MYRIP: variants seen among roughly 807,000 people sequenced by gnomAD.
The protein encoded by MYRIP is rab effector MyRIP.
In MYRIP, 49 loss-of-function variants were observed where a neutral mutation model predicts 98.0. That is an observed-to-expected ratio of 0.50 (90% confidence interval 0.40 to 0.63). The LOEUF is 0.63. MYRIP is among the 30% of genes least tolerant of loss of function. MYRIP has a pLI of 0.00. For missense variants in MYRIP, 1,004 were observed against 1,058.2 expected, an observed-to-expected ratio of 0.95 and a Z score of 0.71; for synonymous variants, 404 against 409.5, an observed-to-expected ratio of 0.99 and a Z score of 0.16.
At chr3:40,153,824 G>A (rs528237078) in intron 4 of MYRIP, among the ~76,000 whole-genome samples, 2 of 152,216 alleles carry the variant, frequency 1.3e-5, no homozygotes, top group South Asian at 2.1e-4. Context: ...TTCACTATGC[G>A]GATCACTGTA....
intron 1 of MYRIP, among the ~76,000 whole-genome samples, chr3:39,876,159 G>A (rs1235795109): frequency 1.3e-5 from 2 of 151,984 alleles, no homozygotes; most frequent in Non-Finnish European, 2.9e-5. Context: ...GACTAGCATT[G>A]CAACCCCTGC....
chr3:39,898,646 A>G (rs1025848953), intron 1 of MYRIP, among the ~76,000 whole-genome samples: 5 of 152,136 alleles, frequency 3.3e-5, no homozygotes, highest in Admixed American at 1.3e-4. Context: ...CTTAGACATA[A>G]TATATATTGA....
chr3:40,033,174 C>G (rs2125820520), intron 2 of MYRIP, among the ~76,000 whole-genome samples: 1 of 145,862 alleles, frequency 6.9e-6, no homozygotes, highest in Non-Finnish European at 1.5e-5. Context: ...CAGGGATGCC[C>G]TCTCTCACCA....
At chr3:39,890,636 ATTT>A (rs35017704) in intron 1 of MYRIP, among the ~76,000 whole-genome samples, 2 of 138,514 alleles carry the variant, frequency 1.4e-5, no homozygotes, top group Non-Finnish European at 1.6e-5. Flanking sequence ...AGGTTAGCTG[ATTT>A]TTTTTTTTTT....
chr3:40,203,630 G>A (rs558545128), intron 10 of MYRIP, among the ~76,000 whole-genome samples: 10 of 137,180 alleles, frequency 7.3e-5, no homozygotes, highest in African/African-American at 2.7e-4. Context: ...TGTTTAGCCA[G>A]GGTCTCCAAG....
At chr3:39,944,816 T>A (rs77989297) in intron 2 of MYRIP, among the ~76,000 whole-genome samples, 2,327 of 152,216 alleles carry the variant, frequency 0.015, 46 homozygotes, top group East Asian at 0.095. Context: ...CAAGAAGTAT[T>A]GTTTATGAGT....
In MYRIP at chr3:40,143,298, G is replaced by T. The variant is rs983481523; in HGVS notation, c.333-7750G>T. On this transcript the variant is annotated intron_variant, in intron 3 of 16. Coordinates refer to ENST00000302541, the MANE Select transcript of MYRIP (RefSeq NM_015460.4). ...TATTTCAGCAGGATGCCGACACAAA[G>T]GTTCTTCTCATCTAGCCTTGCCTGC... Among the ~76,000 whole-genome samples, 64 of 152,188 alleles carry T rather than the reference G, an allele frequency of 4.2e-4. 1 individual carries two copies. Among genetic ancestry groups the T allele is most frequent in the Admixed American group, 4.1e-3 (62 of 15,278 alleles).
At position 40,190,361 on chromosome 3, in the gene MYRIP, C is replaced by A. The variant is rs749029630; in HGVS notation, c.1563C>A (p.Asp521Glu). Reference protein sequence around the residue: ...SEPEEAPHTTDRRARRWRRAR... With the variant: ...SEPEEAPHTTERRARRWRRAR... ...CGGAGGAGGCCCCCCACACCACAGA[C>A]CGGCGGGCCAGGAGGTGGAGAAGAG... The change falls in exon 10 of 17, where the codon GAC (aspartate) becomes GAA (glutamate). Residue 521 changes from aspartate to glutamate, a missense_variant. By Grantham distance (45) the Asp-to-Glu change is conservative. This residue lies in a region of MYRIP where 880 missense variants were observed against 907.7 expected (regional missense o/e 0.97). Coordinates refer to ENST00000302541, the MANE Select transcript of MYRIP (RefSeq NM_015460.4). 6.2e-7 allele frequency: 1 copy of A among 1,613,858 alleles called. No homozygotes were observed. Among genetic ancestry groups the A allele is most frequent in the East Asian group, 2.2e-5 (1 of 44,856 alleles).
intron 2 of MYRIP, among the ~76,000 whole-genome samples, chr3:39,970,725 A>G (rs1309926629): frequency 6.6e-6 from 1 of 152,130 alleles, no homozygotes; most frequent in Non-Finnish European, 1.5e-5. Flanking sequence ...TAATTACTAC[A>G]ATGTGATTCC....
intron 16 of MYRIP, among the ~76,000 whole-genome samples, chr3:40,252,201 G>GCA (rs947731940): frequency 6.6e-6 from 1 of 152,014 alleles, no homozygotes; most frequent in Non-Finnish European, 1.5e-5. Flanking sequence ...AGGCCATGAA[G>GCA]CACACACACA....
chr3:40,060,959 T>TTTATGTG (rs1444230729), intron 3 of MYRIP, among the ~76,000 whole-genome samples: 1 of 152,350 alleles, frequency 6.6e-6, no homozygotes, highest in South Asian at 2.1e-4. Flanking sequence ...TTGGATGTGC[T>TTTATGTG]TTCATTATAA....
At chr3:40,235,898 T>C (rs917580346) in intron 12 of MYRIP, among the ~76,000 whole-genome samples, 1 of 152,234 alleles carries the variant, frequency 6.6e-6, no homozygotes, top group Non-Finnish European at 1.5e-5. Context: ...AGTCAGCTGT[T>C]TCCCTGTGGA....
chr3:40,084,754 G>A (rs370383624), intron 3 of MYRIP, among the ~76,000 whole-genome samples: 3 of 116,718 alleles, frequency 2.6e-5, no homozygotes, highest in African/African-American at 6.4e-5. Context: ...GTATCTATGT[G>A]TTACATGTCG....
intron 11 of MYRIP, among the ~76,000 whole-genome samples, chr3:40,220,370 T>C (rs1002033669): frequency 2.6e-5 from 4 of 152,228 alleles, no homozygotes; most frequent in Non-Finnish European, 5.9e-5. Context: ...TTGTCTTTTG[T>C]TGCCATTGCT....
intron 11 of MYRIP, among the ~76,000 whole-genome samples, chr3:40,218,612 T>TTATATATATATATATATA (rs751894190): frequency 1.0e-3 from 14 of 13,550 alleles, no homozygotes; most frequent in South Asian, 5.6e-3. Context: ...TATATATATT[T>TTATATATATATATATATA]TATATATATA....
chr3:40,183,046 T>C (rs1950930772), intron 9 of MYRIP, among the ~76,000 whole-genome samples: 1 of 152,212 alleles, frequency 6.6e-6, no homozygotes, highest in South Asian at 2.1e-4. Flanking sequence ...CCTCTGAGTC[T>C]TTTATGGGCT....
At chr3:39,976,248 A>G (rs1945747932) in intron 2 of MYRIP, among the ~76,000 whole-genome samples, 2 of 152,230 alleles carry the variant, frequency 1.3e-5, no homozygotes, top group Admixed American at 6.5e-5. Context: ...ATGAACAGAC[A>G]CTTCTCAAAA....
chr3:40,010,875 A>G (rs777344354), intron 2 of MYRIP, among the ~76,000 whole-genome samples: 2 of 152,060 alleles, frequency 1.3e-5, no homozygotes, highest in Middle Eastern at 3.2e-3. Context: ...CCTGATGCCA[A>G]CTTTATCTCA....
intron 2 of MYRIP, among the ~76,000 whole-genome samples, chr3:39,949,934 T>C (rs1359391271): frequency 6.6e-6 from 1 of 152,222 alleles, no homozygotes; most frequent in African/African-American, 2.4e-5. Flanking sequence ...TGAAGAGGTC[T>C]GATTTTTCTA....
Sources: gnomAD v4.1 joint callset for allele counts (sites outside exome capture counted in the v4.1 genomes callset) on GRCh38, gnomAD v4.1.1 for gene constraint, gnomAD v4.1.1 regional missense constraint, MANE v1.5 for transcripts, NCBI Gene and HGNC (gene_info 2026-07-23, HGNC 2026-07-21) for gene names.